The following FSTL4 variants were observed in gnomAD, a reference collection of about 807,000 sequenced individuals.
FSTL4 encodes the protein follistatin like 4.
In FSTL4, 28 loss-of-function variants were observed where a neutral mutation model predicts 78.2. That is an observed-to-expected ratio of 0.36 (90% CI 0.27 to 0.49). The LOEUF (loss-of-function observed/expected upper bound fraction) is 0.49. Ranked by LOEUF, FSTL4 falls within the 20% of genes least tolerant of loss-of-function variation. The pLI is 0.98. For missense variants in FSTL4, 922 were observed against 1,084.9 expected (o/e 0.85, Z 2.11); for synonymous variants, 422 against 440.5 (o/e 0.96, Z 0.53).
intron 4 of FSTL4, among the ~76,000 whole-genome samples, chr5:133,325,886 T>G (rs1276978735): frequency 6.6e-6 from 1 of 152,104 alleles, no homozygotes; most frequent in Non-Finnish European, 1.5e-5. Flanking sequence ...TCCCACACTT[T>G]CCCCATTAGC....
At chr5:133,517,607 A>G (rs1758891281) in intron 3 of FSTL4, among the ~76,000 whole-genome samples, 1 of 87,450 alleles carries the variant, frequency 1.1e-5, no homozygotes, top group Non-Finnish European at 2.5e-5. Flanking sequence ...AATAGAACTA[A>G]TTGTGTGTGT....
intron 3 of FSTL4, among the ~76,000 whole-genome samples, chr5:133,401,348 G>A (rs190335293): frequency 6.6e-5 from 10 of 152,222 alleles, no homozygotes; most frequent in East Asian, 1.9e-4. Flanking sequence ...CAGCTATTCC[G>A]TGCTCACAAA....
chr5:133,467,093 AGTGT>A (rs36073786), intron 3 of FSTL4, among the ~76,000 whole-genome samples: 1 of 150,426 alleles, frequency 6.6e-6, no homozygotes, highest in African/African-American at 2.5e-5. Flanking sequence ...TGAGTGTAAG[AGTGT>A]GTGTGTATAT....
intron 3 of FSTL4, among the ~76,000 whole-genome samples, chr5:133,538,683 T>C (rs538170334): frequency 2.0e-5 from 3 of 152,320 alleles, no homozygotes; most frequent in Admixed American, 2.0e-4. Flanking sequence ...CACTCCTATT[T>C]TATTCAGTGT....
At chr5:133,627,675 G>A in the FSTL4 span, among the ~76,000 whole-genome samples, 1 of 152,096 alleles carries the variant, frequency 6.6e-6, no homozygotes, top group African/African-American at 2.4e-5. Context: ...GCAGGATTAT[G>A]TTTTTTAATC....
At chr5:133,287,450 G>C (rs2126865213) in intron 6 of FSTL4, among the ~76,000 whole-genome samples, 1 of 152,136 alleles carries the variant, frequency 6.6e-6, no homozygotes, top group South Asian at 2.1e-4. Context: ...CACTATTGCT[G>C]GGAGTCTGTG....
Position 133,233,491 on chromosome 5 carries a change from A to G in FSTL4, c.941T>C (p.Ile314Thr), listed in dbSNP as rs1480135036. The G allele has an allele frequency of 6.2e-7, 1 of 1,614,162 alleles. No homozygotes were observed. Among genetic ancestry groups the G allele is most frequent in the South Asian group, 1.1e-5 (1 of 91,078 alleles). ...ATGGCAGGTGTAATTGCCCATGTGG[A>G]TGGTGGTCACCTTGGTGATGTACAG... ...DSLYITKVTT[I>T]HMGNYTCHAS... Residue 314 changes from isoleucine (I) to threonine (T), a missense_variant, in exon 8 of 16, where the codon ATC becomes ACC. By Grantham distance (89) the Ile-to-Thr change is moderately conservative (BLOSUM62 -1). Transcript: ENST00000265342.
chr5:133,295,346 C>G (rs780338909), intron 6 of FSTL4, among the ~76,000 whole-genome samples: 1 of 152,144 alleles, frequency 6.6e-6, no homozygotes, highest in Non-Finnish European at 1.5e-5. Flanking sequence ...CACCTCCCCT[C>G]GCCTACTCAA....
At chr5:133,738,416 C>G in the FSTL4 span, among the ~76,000 whole-genome samples, 1 of 152,196 alleles carries the variant, frequency 6.6e-6, no homozygotes, top group Non-Finnish European at 1.5e-5. Context: ...CCCTCTCCTC[C>G]TGCAACCTGA....
At chr5:133,549,213 C>A (rs1759643305) in intron 3 of FSTL4, among the ~76,000 whole-genome samples, 1 of 152,094 alleles carries the variant, frequency 6.6e-6, no homozygotes, top group African/African-American at 2.4e-5. Flanking sequence ...TCTTTAACCC[C>A]AATTACAAAT....
chr5:133,570,826 C>T (rs752944217), intron 2 of FSTL4, among the ~76,000 whole-genome samples: 5 of 152,148 alleles, frequency 3.3e-5, no homozygotes, highest in Non-Finnish European at 7.3e-5. Flanking sequence ...ATATTCACTG[C>T]CACATTTCCC....
chr5:133,282,068 C>T (rs560349315), intron 6 of FSTL4, among the ~76,000 whole-genome samples: 3 of 152,218 alleles, frequency 2.0e-5, no homozygotes, highest in South Asian at 2.1e-4. Flanking sequence ...TTGGGAATGG[C>T]GGATGAGTGA....
At chr5:133,235,072 C>T (rs1751614383) in intron 7 of FSTL4, among the ~76,000 whole-genome samples, 1 of 152,134 alleles carries the variant, frequency 6.6e-6, no homozygotes, top group African/African-American at 2.4e-5. Context: ...CAGCTGAGGG[C>T]AGCTCCCTGG....
the FSTL4 span, among the ~76,000 whole-genome samples, chr5:133,692,051 A>G: frequency 6.6e-6 from 1 of 152,248 alleles, no homozygotes; most frequent in Non-Finnish European, 1.5e-5. Flanking sequence ...GTAAAATGCA[A>G]TGGAGAATTA....
chr5:133,385,060 C>T (rs1561695462), intron 4 of FSTL4, among the ~76,000 whole-genome samples: 1 of 152,180 alleles, frequency 6.6e-6, no homozygotes, highest in Non-Finnish European at 1.5e-5. Context: ...CGTTGTCGCG[C>T]TCCCCACCCT....
chr5:133,488,201 T>C (rs1758177091), intron 3 of FSTL4, among the ~76,000 whole-genome samples: 1 of 152,220 alleles, frequency 6.6e-6, no homozygotes, highest in Admixed American at 6.5e-5. Flanking sequence ...TTATCCTGCA[T>C]TGTTTAGGAT....
At chr5:133,798,323 G>A in the FSTL4 span, among the ~76,000 whole-genome samples, 8 of 152,112 alleles carry the variant, frequency 5.3e-5, no homozygotes, top group Non-Finnish European at 1.0e-4. Context: ...CAGCCATCTC[G>A]CTTCCCAGAG....
At chr5:133,772,058 A>G in the FSTL4 span, among the ~76,000 whole-genome samples, 1 of 152,252 alleles carries the variant, frequency 6.6e-6, no homozygotes, top group African/African-American at 2.4e-5. Flanking sequence ...AAAAAGGACA[A>G]TAATTCTTCA....
the FSTL4 span, among the ~76,000 whole-genome samples, chr5:133,788,327 C>T: frequency 6.6e-6 from 1 of 152,250 alleles, no homozygotes; most frequent in Non-Finnish European, 1.5e-5. Flanking sequence ...GAAAATGGAA[C>T]ATGGACACAT....
Sources: allele counts gnomAD v4.1 joint callset (sites outside exome capture counted in the v4.1 genomes callset), GRCh38; gene constraint gnomAD v4.1.1; transcripts MANE v1.5; gene names NCBI Gene and HGNC (gene_info 2026-07-23, HGNC 2026-07-21).